The following KIF13B variants were observed in gnomAD, a reference collection of about 807,000 sequenced individuals.
KIF13B encodes the protein kinesin-like protein KIF13B.
A neutral mutation model predicts 222.0 loss-of-function variants in KIF13B; 127 were observed. That is an observed-to-expected ratio of 0.57 (90% confidence interval 0.50 to 0.66). The LOEUF (loss-of-function observed/expected upper bound fraction) is 0.66. Ranked by LOEUF, KIF13B falls within the 30% of genes least tolerant of loss-of-function variation. The pLI, the probability that KIF13B is intolerant of heterozygous loss-of-function variation, is 0.00. For missense variants in KIF13B, 2,173 were observed against 2,379.0 expected, an observed-to-expected ratio of 0.91 and a Z score of 1.80; for synonymous variants, 976 against 919.0, an observed-to-expected ratio of 1.06 and a Z score of -1.12.
At chr8:29,225,360 T>A (rs1460457406) in intron 2 of KIF13B, among the ~76,000 whole-genome samples, 2 of 152,226 alleles carry the variant, frequency 1.3e-5, no homozygotes, top group African/African-American at 4.8e-5. Flanking sequence ...AGAGATTAAG[T>A]AACATCCTGA....
At chr8:29,123,534 T>C in intron 27 of KIF13B, 42 bp from the exon 28 acceptor site, 3 of 1,610,628 alleles carry the variant, frequency 1.9e-6, no homozygotes, top group Non-Finnish European at 2.5e-6. Context: ...AAACTTCACT[T>C]GCCATTTATC....
At chr8:29,211,725 G>A (rs1326576606) in intron 2 of KIF13B, among the ~76,000 whole-genome samples, 1 of 152,226 alleles carries the variant, frequency 6.6e-6, no homozygotes, top group Non-Finnish European at 1.5e-5. Flanking sequence ...TTGGAGGCAT[G>A]AGTTACAACC....
intron 1 of KIF13B, among the ~76,000 whole-genome samples, chr8:29,248,699 G>T (rs1220467336): frequency 1.3e-5 from 2 of 152,150 alleles, no homozygotes; most frequent in Non-Finnish European, 2.9e-5. Flanking sequence ...ATGGGATTTG[G>T]GTGGGGACAC....
Position 29,071,819 on chromosome 8 carries a change from G to A in KIF13B, c.5019C>T (p.Ala1673=). The change falls in exon 39 of 40, where the codon GCC becomes GCT. Residue 1673 remains alanine, a synonymous_variant. Transcript: ENST00000524189. This position sits in a 1 kb window ranked among gnomAD's most constrained non-coding sequence, Gnocchi z 4.9. ...CGCCCGGGGCCGGCGCATTCCCCTC[G>A]GCCCCCGGGGAGCAGCCGGGGTCCC... ...LAGDPGCSPG[A]EGNAPAPGAG... The A allele has an allele frequency of 3.2e-6, 5 of 1,543,286 alleles. No individual in the cohort carries two copies. Among genetic ancestry groups the A allele is most frequent in the Non-Finnish European group, 4.4e-6 (5 of 1,146,068 alleles).
intron 34 of KIF13B, among the ~76,000 whole-genome samples, 169 bp downstream of exon 34, chr8:29,109,265 G>A (rs1224491712): frequency 6.6e-6 from 1 of 152,204 alleles, no homozygotes; most frequent in Non-Finnish European, 1.5e-5. Flanking sequence ...GTAGGAACAG[G>A]GGCAGAGGTG....
chr8:29,108,731 C>A (rs1809216867), intron 34 of KIF13B, among the ~76,000 whole-genome samples: 1 of 152,176 alleles, frequency 6.6e-6, no homozygotes, highest in Admixed American at 6.5e-5. Context: ...GCGTGAAACT[C>A]CTCCTATCAC....
At chr8:29,103,428 G>A (rs1808894794) in intron 35 of KIF13B, among the ~76,000 whole-genome samples, 1 of 152,156 alleles carries the variant, frequency 6.6e-6, no homozygotes, top group East Asian at 1.9e-4. Flanking sequence ...TAAAAAGCCT[G>A]CTAAGGTTTC....
At chr8:29,078,127 C>CAAA (rs10530503) in intron 37 of KIF13B, among the ~76,000 whole-genome samples, 2 of 74,306 alleles carry the variant, frequency 2.7e-5, no homozygotes, top group Non-Finnish European at 5.0e-5. Context: ...TACTAAAATC[C>CAAA]AAAAAAAAAA....
intron 1 of KIF13B, among the ~76,000 whole-genome samples, chr8:29,261,836 G>C (rs978890056): frequency 6.6e-6 from 1 of 152,022 alleles, no homozygotes; most frequent in Non-Finnish European, 1.5e-5. Flanking sequence ...CAATTTCCCC[G>C]AGAAGGACAA....
intron 2 of KIF13B, among the ~76,000 whole-genome samples, chr8:29,228,472 A>ATATATATATATATAT (rs1554622286): frequency 9.4e-5 from 11 of 117,086 alleles, no homozygotes; most frequent in African/African-American, 2.3e-4. Context: ...ATCTTAAAAA[A>ATATATATATATATAT]ATATATATAT....
intron 21 of KIF13B, among the ~76,000 whole-genome samples, chr8:29,138,341 AAAAT>A (rs1033417508): frequency 2.6e-5 from 4 of 152,208 alleles, no homozygotes; most frequent in Non-Finnish European, 4.4e-5. Context: ...TCTCAAAAAT[AAAAT>A]AAATAAATAA....
chr8:29,255,154 G>T lies in KIF13B; in HGVS notation c.55+7826C>A, dbSNP rs1034644271. ...GGGAAGTGGGAAATGGAGACTGACTGCTAACAGTTACAAGGTTCCTCTGTG... is the reference window on the plus strand; with the variant it reads ...GGGAAGTGGGAAATGGAGACTGACTTCTAACAGTTACAAGGTTCCTCTGTG... On this transcript the variant is annotated intron_variant, in intron 1 of 39. Transcript: ENST00000524189. Among the ~76,000 whole-genome samples, 12 of 152,312 alleles carry T rather than the reference G, an allele frequency of 7.9e-5. 1 individual carries two copies. In the East Asian group the frequency reaches 1.7e-3, roughly 22 times the overall value.
intron 14 of KIF13B, among the ~76,000 whole-genome samples, chr8:29,150,671 A>G (rs1381768419): frequency 1.3e-5 from 2 of 152,190 alleles, no homozygotes; most frequent in African/African-American, 4.8e-5. Context: ...GCTACAGGAG[A>G]TACTTTTCAA....
chr8:29,245,488 T>G lies in KIF13B; in HGVS notation c.56-49A>C, dbSNP rs1341162839. 3.6e-6 allele frequency: 5 copies of G among 1,385,880 alleles called. No individual in the cohort carries two copies. In the Admixed American group the frequency reaches 1.2e-4, roughly 33 times the overall value. The allele number at this position is 1,385,880 out of a possible 1,614,324, so 85.8% of individuals were successfully genotyped here. A position where few individuals can be genotyped will look rare whatever the true frequency, so the allele number is the denominator to read the frequency against. ...ACAGTCATTTTAAAAAGTAATTTATTTCAGAAAAGGCAAAATTCAGAAAAG... is the reference window on the plus strand; with the variant it reads ...ACAGTCATTTTAAAAAGTAATTTATGTCAGAAAAGGCAAAATTCAGAAAAG... On this transcript the variant is annotated intron_variant, in intron 1 of 39. Transcript: ENST00000524189.
At chr8:29,156,357 G>A (rs1286260119) in intron 13 of KIF13B, among the ~76,000 whole-genome samples, 1 of 152,038 alleles carries the variant, frequency 6.6e-6, no homozygotes, top group African/African-American at 2.4e-5. Flanking sequence ...AAAAGCAGTT[G>A]GTTGACCCTG....
chr8:29,176,015 C>G lies in KIF13B; in HGVS notation c.945+53G>C, dbSNP rs1812462731. On this transcript the variant is annotated intron_variant, in intron 10 of 39. Coordinates refer to ENST00000524189, the MANE Select transcript of KIF13B (RefSeq NM_015254.4). ...GATTAACAGTCTACTCTTTTTTCTT[C>G]CTTCTTGCCAACCACCAAAAGTATG... 9.7e-6 allele frequency: 10 copies of G among 1,031,004 alleles called. No homozygotes were observed. The East Asian group carries it at 2.5e-4, about 25-fold the overall frequency. 63.9% of individuals were successfully genotyped at this position (1,031,004 alleles called of 1,614,324 possible).
intron 6 of KIF13B, 95 bp from the exon 7 acceptor site, chr8:29,182,101 A>G: frequency 1.1e-6 from 1 of 878,276 alleles, no homozygotes; most frequent in Non-Finnish European, 1.8e-6. Flanking sequence ...TGAATCCAAG[A>G]AAGACCCCAA....
At chr8:29,078,597 A>G (rs1173639644) in intron 37 of KIF13B, among the ~76,000 whole-genome samples, 1 of 152,252 alleles carries the variant, frequency 6.6e-6, no homozygotes, top group Non-Finnish European at 1.5e-5. Context: ...TCATAAGTTC[A>G]TTAATCCTTA....
chr8:29,191,649 T>C (rs978990180), intron 3 of KIF13B, among the ~76,000 whole-genome samples: 3 of 152,246 alleles, frequency 2.0e-5, no homozygotes, highest in African/African-American at 7.2e-5. Flanking sequence ...CAATCTGTAT[T>C]AAAATGCTAC....
Sources: gnomAD v4.1 joint callset for allele counts (sites outside exome capture counted in the v4.1 genomes callset) on GRCh38, gnomAD v4.1.1 for gene constraint, Gnocchi (gnomAD v3.1) non-coding constraint, MANE v1.5 for transcripts, NCBI Gene and HGNC (gene_info 2026-07-23, HGNC 2026-07-21) for gene names.